Variants in SERPINB7 observed in about 807,000 individuals in gnomAD.
SERPINB7 encodes serpin family B member 7.
A neutral mutation model predicts 37.4 loss-of-function variants in SERPINB7; 31 were observed. The observed-to-expected ratio is 0.83, with a 90% CI of 0.62 to 1.12. SERPINB7 has a LOEUF of 1.12. SERPINB7 is among the 50% of genes most tolerant of loss of function. The pLI is 0.00. For missense variants in SERPINB7, 521 were observed against 455.3 expected (o/e 1.14, Z -1.31); for synonymous variants, 163 against 166.1 (o/e 0.98, Z 0.14).
At chr18:63,778,560 G>A (rs757960926) in intron 1 of SERPINB7, among the ~76,000 whole-genome samples, 20 of 152,132 alleles carry the variant, frequency 1.3e-4, no homozygotes, top group Middle Eastern at 3.4e-3. Flanking sequence ...TTATCAGTTA[G>A]GTGTAATAAG....
intron 1 of SERPINB7, among the ~76,000 whole-genome samples, chr18:63,769,745 A>G: frequency 6.6e-6 from 1 of 152,038 alleles, no homozygotes; most frequent in East Asian, 1.9e-4. Context: ...TTAGTCAACA[A>G]AGCTTTTGCT....
intron 2 of SERPINB7, among the ~76,000 whole-genome samples, chr18:63,785,762 G>T (rs1416640833): frequency 6.6e-6 from 1 of 150,972 alleles, no homozygotes; most frequent in Non-Finnish European, 1.5e-5. Flanking sequence ...TTTTCATTTA[G>T]ATCTAATAAT....
chr18:63,801,031 T>C lies in SERPINB7; in HGVS notation c.744+19T>C, dbSNP rs768852253. 1 of 1,609,960 alleles carries C rather than the reference T, an allele frequency of 6.2e-7. No individual in the cohort carries two copies. Among genetic ancestry groups the C allele is most frequent in the East Asian group, 2.2e-5 (1 of 44,842 alleles). ...CTCTGAAGTAAGTTACGACTGTCATTTTCACTATTGGGAAATAAGACTTTT... is the reference window on the plus strand; with the variant it reads ...CTCTGAAGTAAGTTACGACTGTCATCTTCACTATTGGGAAATAAGACTTTT... On this transcript the variant is annotated intron_variant, in intron 7 of 7. Coordinates refer to ENST00000398019, the MANE Select transcript of SERPINB7 (RefSeq NM_003784.4).
intron 2 of SERPINB7, among the ~76,000 whole-genome samples, chr18:63,789,282 A>ATC (rs2049403036): frequency 6.6e-6 from 1 of 152,136 alleles, no homozygotes; most frequent in African/African-American, 2.4e-5. Context: ...GCCACTGCTC[A>ATC]TCTCTCTCTC....
At chr18:63,790,497 A>G (rs1234368201) in intron 2 of SERPINB7, among the ~76,000 whole-genome samples, 2 of 152,214 alleles carry the variant, frequency 1.3e-5, no homozygotes, top group Non-Finnish European at 2.9e-5. Context: ...GATACACAAA[A>G]TATAGTTTTT....
At chr18:63,797,212 T>A (rs2049497757) in intron 5 of SERPINB7, among the ~76,000 whole-genome samples, 1 of 152,212 alleles carries the variant, frequency 6.6e-6, no homozygotes, top group African/African-American at 2.4e-5. Context: ...GTACCTGTAT[T>A]TACTAAGCCT....
intron 1 of SERPINB7, among the ~76,000 whole-genome samples, chr18:63,764,984 A>G (rs565778427): frequency 2.6e-5 from 4 of 152,210 alleles, no homozygotes; most frequent in Non-Finnish European, 5.9e-5. Flanking sequence ...CATATAAATT[A>G]CATCTATGTT....
At chr18:63,774,475 C>T (rs1297444348), upstream of SERPINB7, among the ~76,000 whole-genome samples, 1 of 152,208 alleles carries the variant, frequency 6.6e-6, no homozygotes, top group Admixed American at 6.5e-5. Context: ...GTGCAACATA[C>T]AGCTCAACCT....
chr18:63,768,047 T>C (rs2049190163), intron 1 of SERPINB7, among the ~76,000 whole-genome samples: 1 of 152,094 alleles, frequency 6.6e-6, no homozygotes, highest in African/African-American at 2.4e-5. Flanking sequence ...TGAGAATTTA[T>C]ATGTTCTCTT....
intron 1 of SERPINB7, among the ~76,000 whole-genome samples, chr18:63,763,651 A>C (rs939790246): frequency 4.6e-5 from 7 of 152,236 alleles, no homozygotes; most frequent in African/African-American, 1.7e-4. Flanking sequence ...GCACTTACAA[A>C]GAGTACCTTA....
At chr18:63,762,540 A>G (rs577074598) in intron 1 of SERPINB7, among the ~76,000 whole-genome samples, 2 of 152,278 alleles carry the variant, frequency 1.3e-5, no homozygotes, top group South Asian at 4.1e-4. Flanking sequence ...GGAAGAGATT[A>G]TATGTATTGA....
chr18:63,762,330 G>T (rs1201077430), intron 1 of SERPINB7, among the ~76,000 whole-genome samples: 1 of 152,172 alleles, frequency 6.6e-6, no homozygotes, highest in African/African-American at 2.4e-5. Context: ...GGTTTAATGT[G>T]CAGGCTGGTC....
intron 2 of SERPINB7, among the ~76,000 whole-genome samples, chr18:63,787,677 A>C (rs1043339702): frequency 7.9e-5 from 12 of 152,328 alleles, no homozygotes; most frequent in Non-Finnish European, 8.8e-5. Context: ...AAAACAAAAC[A>C]AAAACCAAAA....
chr18:63,764,193 C>T (rs1406828100), intron 1 of SERPINB7, among the ~76,000 whole-genome samples: 2 of 152,182 alleles, frequency 1.3e-5, no homozygotes, highest in African/African-American at 4.8e-5. Flanking sequence ...CTATCACTTA[C>T]AGCCGTGGTT....
intron 7 of SERPINB7, among the ~76,000 whole-genome samples, chr18:63,802,173 G>C (rs1437581673): frequency 1.3e-5 from 2 of 152,174 alleles, no homozygotes; most frequent in Non-Finnish European, 2.9e-5. Context: ...CCATGCTGCT[G>C]TGTCTCAAGT....
intron 6 of SERPINB7, 148 bp downstream of exon 6, chr18:63,798,894 T>C (rs2049518178): frequency 2.5e-6 from 2 of 799,832 alleles, no homozygotes; most frequent in Non-Finnish European, 3.9e-6. Context: ...TCAGTTGCTT[T>C]ATAAAGCAAA....
chr18:63,758,926 T>A (rs2049137127), intron 1 of SERPINB7, among the ~76,000 whole-genome samples: 1 of 152,204 alleles, frequency 6.6e-6, no homozygotes, highest in Non-Finnish European at 1.5e-5. Context: ...GCCTTAAATG[T>A]TTAAGAAGAA....
chr18:63,780,932 GAGAAT>G (rs2049295308), intron 1 of SERPINB7, among the ~76,000 whole-genome samples: 2 of 152,170 alleles, frequency 1.3e-5, no homozygotes. Flanking sequence ...CCACTTCACA[GAGAAT>G]AGTAAATGCA....
At chr18:63,786,341 A>G (rs75235920) in intron 2 of SERPINB7, among the ~76,000 whole-genome samples, 4,561 of 150,090 alleles carry the variant, frequency 0.03, 148 homozygotes, top group African/African-American at 0.082. Context: ...ATATGTTTGG[A>G]CTTCCTTCTC....
Sources: gnomAD v4.1 joint callset for allele counts (sites outside exome capture counted in the v4.1 genomes callset) on GRCh38, gnomAD v4.1.1 for gene constraint, MANE v1.5 for transcripts, NCBI Gene and HGNC (gene_info 2026-07-23, HGNC 2026-07-21) for gene names.